The following NR1H3 variants were observed in gnomAD, a reference collection of about 807,000 sequenced individuals.
The protein encoded by NR1H3 is oxysterols receptor LXR-alpha.
Under a neutral mutation model 48.1 loss-of-function variants are expected in NR1H3, and 19 were observed. The ratio of observed to expected loss-of-function variants is 0.40; its 90% CI spans 0.28 to 0.58. NR1H3 has a LOEUF of 0.58. Ranked by LOEUF, NR1H3 falls within the 20% of genes least tolerant of loss-of-function variation. The probability of loss-of-function intolerance (pLI) is 0.50; values close to 1 mark genes in which losing one functional copy is unlikely to be tolerated. For missense variants in NR1H3, 486 were observed against 595.9 expected, an observed-to-expected ratio of 0.82 and a Z score of 1.92; for synonymous variants, 232 against 227.3, an observed-to-expected ratio of 1.02 and a Z score of -0.19.
At chr11:47,265,383 A>G (rs1956355911) in intron 7 of NR1H3, among the ~76,000 whole-genome samples, 1 of 152,248 alleles carries the variant, frequency 6.6e-6, no homozygotes, top group Non-Finnish European at 1.5e-5. Flanking sequence ...AAGTACAGGA[A>G]GTGACTCACC....
intron 1 of NR1H3, among the ~76,000 whole-genome samples, chr11:47,252,385 C>T (rs1300664440): frequency 6.7e-6 from 1 of 150,200 alleles, no homozygotes. Flanking sequence ...CCTCAGCCTC[C>T]CGAGTAGCTG....
intron 1 of NR1H3, among the ~76,000 whole-genome samples, chr11:47,249,922 T>C (rs1419028314): frequency 6.8e-6 from 1 of 147,282 alleles, no homozygotes; most frequent in African/African-American, 2.6e-5. Context: ...CGAAACCCCG[T>C]CTCTACTAAA....
At chr11:47,257,838 C>A (rs918529828), upstream of NR1H3, 7 of 977,294 alleles carry the variant, frequency 7.2e-6, no homozygotes, top group East Asian at 8.1e-4. Flanking sequence ...GAGGGGGTGG[C>A]CGGCTGGGGA....
rs1341119879 is a variant in NR1H3, at chr11:47,260,452, G to T, written c.276G>T (p.Met92Ile). ...GGAAAAAGGGGCCAGCCCCCAAAAT[G>T]CTGGGGAACGAGCTATGCAGCGTGT... ...QKRKKGPAPK[M>I]LGNELCSVCG... The change falls in exon 4 of 10, where the codon ATG becomes ATT. Residue 92 changes from methionine to isoleucine, a missense_variant. Transcript: ENST00000441012. The T allele has an allele frequency of 6.2e-7, 1 of 1,614,012 alleles. No homozygotes were observed. The highest frequency in any genetic ancestry group is 2.2e-5 in the East Asian group (1 of 44,880).
At chr11:47,257,095 C>T (rs913142500), upstream of NR1H3, among the ~76,000 whole-genome samples, 1 of 152,176 alleles carries the variant, frequency 6.6e-6, no homozygotes, top group Admixed American at 6.6e-5. Flanking sequence ...ACTCTGTTGC[C>T]ACATCTATGC....
At chr11:47,252,989 C>T (rs568728401) in intron 1 of NR1H3, among the ~76,000 whole-genome samples, 1 of 136,066 alleles carries the variant, frequency 7.3e-6, no homozygotes, top group African/African-American at 2.8e-5. Flanking sequence ...GAGACAGTCT[C>T]CCTCTGTCAC....
chr11:47,259,941 C>A lies in NR1H3; in HGVS notation c.194C>A (p.Ala65Asp). ...GGGCTGGAGGCTGCAGAGCCCACAGCCCTGCTCACCAGGGCAGAGCCCCCT... is the reference window on the plus strand; with the variant it reads ...GGGCTGGAGGCTGCAGAGCCCACAGACCTGCTCACCAGGGCAGAGCCCCCT... The part of the protein sequence containing the change: ...GVGLEAAEPT[A>D]LLTRAEPPSE... The change falls in exon 3 of 10, where the codon GCC (alanine) becomes GAC (aspartate). Residue 65 changes from alanine to aspartate, a missense_variant. By Grantham distance (126) the Ala-to-Asp change is moderately radical. Transcript: ENST00000441012. 6.3e-7 allele frequency: 1 copy of A among 1,586,536 alleles called. No homozygotes were observed. Among genetic ancestry groups the A allele is most frequent in the South Asian group, 1.1e-5 (1 of 86,958 alleles).
At chr11:47,254,427 C>T (rs531340877), upstream of NR1H3, among the ~76,000 whole-genome samples, 66 of 152,260 alleles carry the variant, frequency 4.3e-4, no homozygotes, top group African/African-American at 1.5e-3. Context: ...GGTGCTGGGA[C>T]AGAATAGTGC....
exon 1 of NR1H3, chr11:47,248,949 G>A (rs759990921): frequency 2.0e-5 from 31 of 1,531,088 alleles, no homozygotes; most frequent in Non-Finnish European, 2.7e-5. Context: ...GTCTCGGTGG[G>A]ATTGCGTGCA....
At chr11:47,259,642 CCA>C in intron 2 of NR1H3, 147 bp from the exon 3 acceptor site, 1 of 1,485,056 alleles carries the variant, frequency 6.7e-7, no homozygotes, top group Non-Finnish European at 8.9e-7. Context: ...TAGCTAGAGC[CCA>C]CACAGACTCT....
At chr11:47,256,274 C>A (rs529635153), upstream of NR1H3, among the ~76,000 whole-genome samples, 3 of 152,184 alleles carry the variant, frequency 2.0e-5, no homozygotes, top group South Asian at 6.2e-4. Context: ...CTCCTGACCT[C>A]AAGTGATCCA....
At chr11:47,248,808 A>C (rs940675619), upstream of NR1H3, 2 of 1,573,174 alleles carry the variant, frequency 1.3e-6, no homozygotes, top group Non-Finnish European at 1.7e-6. Flanking sequence ...TAATCTATGC[A>C]GCAAACAAGC....
intron 7 of NR1H3, among the ~76,000 whole-genome samples, chr11:47,266,054 C>G (rs1340564830): frequency 6.6e-6 from 1 of 152,124 alleles, no homozygotes; most frequent in African/African-American, 2.4e-5. Flanking sequence ...AGGACTCAAC[C>G]CGAGGCAGTC....
Position 47,249,601 on chromosome 11 carries a change from A to G in NR1H3, c.-93+602A>G, listed in dbSNP as rs190979440. Reference sequence around the variant, plus strand: ...TTGAGGTAAGGGACAGGCGCATATCATAAAGTGGGAGTAGGTGGGGTTTCC... The same window carrying G: ...TTGAGGTAAGGGACAGGCGCATATCGTAAAGTGGGAGTAGGTGGGGTTTCC... On this transcript the variant is annotated intron_variant, in intron 1 of 8. Coordinates refer to the NR1H3 transcript ENST00000395397. Among the ~76,000 whole-genome samples the G allele has an allele frequency of 5.9e-5, 9 of 152,314 alleles. No individual in the cohort carries two copies. In the East Asian group the frequency reaches 1.5e-3, roughly 26 times the overall value.
chr11:47,259,243 GC>G lies in NR1H3; in HGVS notation c.29del (p.Pro10LeufsTer104). The G allele has an allele frequency of 1.2e-6, 2 of 1,614,196 alleles. No individual in the cohort carries two copies. The highest frequency in any genetic ancestry group is 1.7e-6 in the Non-Finnish European group (2 of 1,180,030). On this transcript the variant is annotated frameshift_variant, in exon 2 of 10. Coordinates refer to ENST00000441012, the MANE Select transcript of NR1H3 (RefSeq NM_005693.4). LOFTEE classifies it high-confidence loss of function. Reference protein sequence around the residue: MSLWLGAPVPDIPPDSAVEL... With the variant: MSLWLGAPVXDIPPDSAVEL... ...TGTCCTTGTGGCTGGGGGCCCCTGT[GC>G]CTGACATTCCTCCTGGTAAGCTTCA...
rs762534605 is a variant in NR1H3, at chr11:47,261,587, G to A, written c.749G>A (p.Arg250His). Residue 250 changes from arginine (R) to histidine (H), a missense_variant, in exon 6 of 10, where the codon CGT becomes CAT. Transcript: ENST00000441012. ...MAPDPHSREARQQRFAHFTEL... is the reference protein window; with the variant it reads ...MAPDPHSREAHQQRFAHFTEL... ...CCAGATCCCCATAGCCGGGAGGCCC[G>A]TCAGCAGCGCTTTGCCCACTTCACT... 34 of 1,614,094 alleles carry A rather than the reference G, an allele frequency of 2.1e-5. No homozygotes were observed. Among genetic ancestry groups the A allele is most frequent in the Admixed American group, 1.8e-4 (11 of 60,008 alleles).
At chr11:47,248,541 A>G (rs1954318658), upstream of NR1H3, 1 of 1,551,538 alleles carries the variant, frequency 6.4e-7, no homozygotes, top group Non-Finnish European at 8.7e-7. Flanking sequence ...TCAATCCTGA[A>G]TCCAGCCTCC....
At chr11:47,249,819 C>T (rs1222086992) in intron 1 of NR1H3, among the ~76,000 whole-genome samples, 3 of 152,016 alleles carry the variant, frequency 2.0e-5, no homozygotes, top group East Asian at 1.9e-4. Context: ...TTGGCCTGGG[C>T]GCCGTGGCTC....
At chr11:47,265,884 T>A (rs764096661) in intron 7 of NR1H3, among the ~76,000 whole-genome samples, 54 of 152,128 alleles carry the variant, frequency 3.5e-4, no homozygotes, top group Admixed American at 3.3e-4. Context: ...AAAAAAATTT[T>A]TTTATTTATT....
Sources: gnomAD v4.1 joint callset for allele counts (sites outside exome capture counted in the v4.1 genomes callset) on GRCh38, gnomAD v4.1.1 for gene constraint, MANE v1.5 for transcripts, NCBI Gene and HGNC (gene_info 2026-07-23, HGNC 2026-07-21) for gene names.